PPP1R13B: variants seen among roughly 807,000 people sequenced by gnomAD.
The protein encoded by PPP1R13B is protein phosphatase 1 regulatory subunit 13B, also known as apoptosis-stimulating of p53 protein 1.
A neutral mutation model predicts 119.8 loss-of-function variants in PPP1R13B; 44 were observed. That is an observed-to-expected ratio of 0.37 (90% CI 0.29 to 0.47). The LOEUF (loss-of-function observed/expected upper bound fraction) is 0.47. Ranked by LOEUF, PPP1R13B falls within the 20% of genes least tolerant of loss-of-function variation. The pLI is 0.99. For missense variants in PPP1R13B, 1,227 were observed against 1,413.5 expected, an observed-to-expected ratio of 0.87 and a Z score of 2.12; for synonymous variants, 542 against 561.5, an observed-to-expected ratio of 0.97 and a Z score of 0.49.
Position 103,742,860 on chromosome 14 carries a change from C to A in PPP1R13B, c.1151-37G>T. 2 of 1,609,566 alleles carry A rather than the reference C, an allele frequency of 1.2e-6. No individual in the cohort carries two copies. Among genetic ancestry groups the A allele is most frequent in the South Asian group, 2.2e-5 (2 of 90,562 alleles). ...CACAGAACTTACGTAAAACTTTTCT[C>A]AATGTAGTTGAACCAACCTAAGAAT... On this transcript the variant is annotated intron_variant, in intron 9 of 16. Transcript: ENST00000202556. This position sits in a 1 kb window ranked among gnomAD's most constrained non-coding sequence, Gnocchi z 4.9.
intron 2 of PPP1R13B, among the ~76,000 whole-genome samples, chr14:103,791,080 A>G (rs2085605467): frequency 6.6e-6 from 1 of 151,780 alleles, no homozygotes; most frequent in Admixed American, 6.6e-5. Flanking sequence ...AAATCCTGCC[A>G]TTCATAGAAA....
chr14:103,845,026 A>C (rs2086996683), intron 1 of PPP1R13B, among the ~76,000 whole-genome samples: 1 of 152,196 alleles, frequency 6.6e-6, no homozygotes, highest in South Asian at 2.1e-4. Flanking sequence ...TAAGTTAATA[A>C]AAGGATACTA....
intron 5 of PPP1R13B, among the ~76,000 whole-genome samples, chr14:103,757,047 C>T (rs1438743369): frequency 2.6e-5 from 4 of 151,834 alleles, no homozygotes; most frequent in Non-Finnish European, 5.9e-5. Flanking sequence ...CAGGAGTGAG[C>T]CACTGCACCC....
At chr14:103,741,613 A>ATTCCCTTCTCACAC (rs2084259815) in intron 11 of PPP1R13B, among the ~76,000 whole-genome samples, 177 bp downstream of exon 11, 1 of 152,222 alleles carries the variant, frequency 6.6e-6, no homozygotes, top group Admixed American at 6.5e-5. Context: ...AGCCTCCTCC[A>ATTCCCTTCTCACAC]TGCATTCCAG....
rs540250916 is a variant in PPP1R13B, at chr14:103,781,223, G to A, written c.278-2402C>T. Among the ~76,000 whole-genome samples the A allele has an allele frequency of 2.3e-4, 35 of 152,210 alleles. No individual in the cohort carries two copies. The South Asian group carries it at 7.3e-3, about 32-fold the overall frequency. On this transcript the variant is annotated intron_variant, in intron 3 of 16. Coordinates refer to ENST00000202556, the MANE Select transcript of PPP1R13B (RefSeq NM_015316.3). ...ATTTAAGTATAGATAAGTGAGGGAG[G>A]GTATAGGTGTCTGAAGAACTCAGGT...
chr14:103,839,074 G>A (rs186725439), intron 1 of PPP1R13B, among the ~76,000 whole-genome samples: 18 of 152,018 alleles, frequency 1.2e-4, no homozygotes, highest in African/African-American at 3.4e-4. Context: ...TCGGCTCACC[G>A]CAACCTCTGC....
intron 1 of PPP1R13B, among the ~76,000 whole-genome samples, chr14:103,835,857 C>T (rs2086765659): frequency 6.6e-6 from 1 of 152,080 alleles, no homozygotes; most frequent in Admixed American, 6.6e-5. Context: ...GATCCGCCTG[C>T]CTCGGCCTCC....
At chr14:103,762,596 TAA>T (rs11446097) in intron 4 of PPP1R13B, among the ~76,000 whole-genome samples, 10 of 139,502 alleles carry the variant, frequency 7.2e-5, no homozygotes, top group African/African-American at 1.1e-4. Flanking sequence ...CTTAAAGTAT[TAA>T]AAAAAAAAAA....
intron 4 of PPP1R13B, among the ~76,000 whole-genome samples, chr14:103,770,438 C>T (rs2085041375): frequency 6.6e-6 from 1 of 152,038 alleles, no homozygotes; most frequent in Admixed American, 6.6e-5. Flanking sequence ...TTACTTGAAC[C>T]TGGGAGGCAG....
chr14:103,777,555 C>T (rs1378520720), intron 4 of PPP1R13B, among the ~76,000 whole-genome samples: 1 of 152,084 alleles, frequency 6.6e-6, no homozygotes, highest in East Asian at 1.9e-4. Flanking sequence ...CACAGAGGCA[C>T]CCACTGCCTG....
chr14:103,834,614 G>A (rs887397511), intron 1 of PPP1R13B, among the ~76,000 whole-genome samples: 5 of 113,824 alleles, frequency 4.4e-5, no homozygotes, highest in African/African-American at 1.4e-4. Context: ...TTTTGAGACC[G>A]AGTTTCGCTC....
intron 1 of PPP1R13B, among the ~76,000 whole-genome samples, chr14:103,835,875 C>T (rs1002039381): frequency 2.0e-5 from 3 of 151,062 alleles, no homozygotes; most frequent in East Asian, 4.0e-4. Context: ...TCCCAAAGTG[C>T]GGGATTACAG....
In PPP1R13B at chr14:103,775,273, T is replaced by C. The variant is rs540102498; in HGVS notation, c.354+3472A>G. Among the ~76,000 whole-genome samples the C allele has an allele frequency of 4.2e-5, 5 of 117,954 alleles. No individual in the cohort carries two copies. In the South Asian group the frequency reaches 1.2e-3, roughly 29 times the overall value. 77.4% of individuals were successfully genotyped at this position (117,954 alleles called of 152,430 possible). A position where few individuals can be genotyped will look rare whatever the true frequency, so the allele number is the denominator to read the frequency against. On this transcript the variant is annotated intron_variant, in intron 4 of 16. Transcript: ENST00000202556. ...CCTTTCTTTCTTTCACTTATTATTATTATTATTTTTTTTTTTTTGGAGACA... is the reference window on the plus strand; with the variant it reads ...CCTTTCTTTCTTTCACTTATTATTACTATTATTTTTTTTTTTTTGGAGACA...
chr14:103,814,788 A>G (rs1456315490), intron 1 of PPP1R13B, among the ~76,000 whole-genome samples: 1 of 151,954 alleles, frequency 6.6e-6, no homozygotes, highest in Non-Finnish European at 1.5e-5. Context: ...TACTAATAAT[A>G]CAAAAAATTA....
chr14:103,783,280 G>A (rs1197587799), intron 3 of PPP1R13B, among the ~76,000 whole-genome samples: 3 of 151,710 alleles, frequency 2.0e-5, no homozygotes, highest in Non-Finnish European at 2.9e-5. Flanking sequence ...TATTTCCTGA[G>A]ACAGAGTCTC....
chr14:103,824,039 CTTTTTTTT>C (rs35194586), intron 1 of PPP1R13B, among the ~76,000 whole-genome samples: 10 of 75,112 alleles, frequency 1.3e-4, no homozygotes, highest in Admixed American at 1.9e-4. Context: ...CTACCTCATC[CTTTTTTTT>C]TTTTTTTTTT....
At chr14:103,746,661 G>A (rs1297647478) in intron 8 of PPP1R13B, 108 bp from the exon 9 acceptor site, 10 of 991,960 alleles carry the variant, frequency 1.0e-5, no homozygotes, top group Non-Finnish European at 1.3e-5. Context: ...CTCAGTGGTT[G>A]GTTTTTAGGA....
chr14:103,816,704 AT>A (rs1483832886), intron 1 of PPP1R13B, among the ~76,000 whole-genome samples: 1 of 151,356 alleles, frequency 6.6e-6, no homozygotes, highest in Admixed American at 6.6e-5. Flanking sequence ...CCTTTCATAT[AT>A]TTTTCCTTTT....
rs58398068 is a variant in PPP1R13B, at chr14:103,748,066, TACACACACACACACACAC to T, written c.970-1531_970-1514del. Reference sequence around the variant, plus strand: ...ATGTGAGCCAATTCCTTAAATCACATACACACACACACACACACACACACACACACACACACACACACA... The same window carrying T: ...ATGTGAGCCAATTCCTTAAATCACATACACACACACACACACACACACACA... On this transcript the variant is annotated intron_variant, in intron 8 of 16. Transcript: ENST00000202556. 3.7e-3 allele frequency among the ~76,000 whole-genome samples: 513 copies of T among 138,238 alleles called. 4 individuals carry two copies. The highest frequency in any genetic ancestry group is 0.01 in the African/African-American group (387 of 38,448). The allele number at this position is 138,238 out of a possible 152,430, so 90.7% of individuals were successfully genotyped here. A position where few individuals can be genotyped will look rare whatever the true frequency, so the allele number is the denominator to read the frequency against.
Sources: allele counts gnomAD v4.1 joint callset (sites outside exome capture counted in the v4.1 genomes callset), GRCh38; gene constraint gnomAD v4.1.1; non-coding constraint Gnocchi (gnomAD v3.1); transcripts MANE v1.5; gene names NCBI Gene and HGNC (gene_info 2026-07-23, HGNC 2026-07-21).